Variants in SCAPER observed in about 807,000 individuals in gnomAD.
SCAPER encodes the protein S-phase cyclin A associated protein in the ER.
Under a neutral mutation model 182.2 loss-of-function variants are expected in SCAPER, and 98 were observed. The ratio of observed to expected loss-of-function variants is 0.54; its 90% confidence interval spans 0.46 to 0.64. The LOEUF is 0.64. Ranked by LOEUF, SCAPER falls within the 30% of genes least tolerant of loss-of-function variation. The probability of loss-of-function intolerance (pLI) is 0.00; values close to 1 mark genes in which losing one functional copy is unlikely to be tolerated. For missense variants in SCAPER, 1,432 were observed against 1,690.0 expected (o/e 0.85, Z 2.68); for synonymous variants, 605 against 564.6 (o/e 1.07, Z -1.01).
chr15:76,371,684 C>T (rs905010243), intron 29 of SCAPER, among the ~76,000 whole-genome samples: 2 of 150,194 alleles, frequency 1.3e-5, no homozygotes, highest in African/African-American at 2.4e-5. Context: ...TTTGGGAGGC[C>T]GAGGTGGGTG....
In SCAPER at chr15:76,597,787, C is replaced by T. The variant is rs2049619178; in HGVS notation, c.2712-23503G>A. Among the ~76,000 whole-genome samples, 2 of 120,352 alleles carry T rather than the reference C, an allele frequency of 1.7e-5. 1 individual carries two copies. Among genetic ancestry groups the T allele is most frequent in the Non-Finnish European group, 4.0e-5 (2 of 49,554 alleles). 79.0% of individuals were successfully genotyped at this position (120,352 alleles called of 152,430 possible). A position where few individuals can be genotyped will look rare whatever the true frequency, so the allele number is the denominator to read the frequency against. ...AATTGGACCCCTTCCTTACACCTTA[C>T]ACAAAAATTAACTCATGATGGATTA... On this transcript the variant is annotated intron_variant, in intron 22 of 31. Transcript: ENST00000563290.
At chr15:76,601,970 C>T (rs2049962870) in intron 22 of SCAPER, among the ~76,000 whole-genome samples, 1 of 120,684 alleles carries the variant, frequency 8.3e-6, no homozygotes, top group Non-Finnish European at 2.0e-5. Flanking sequence ...AGTCAGCCCT[C>T]CATATCCATG....
At chr15:76,490,200 T>G (rs965592646) in intron 24 of SCAPER, among the ~76,000 whole-genome samples, 2 of 152,212 alleles carry the variant, frequency 1.3e-5, no homozygotes, top group African/African-American at 4.8e-5. Flanking sequence ...GTTCTACTTT[T>G]AGTTTTTTGA....
At chr15:76,764,913 G>T in intron 14 of SCAPER, 48 bp downstream of exon 14, 3 of 1,100,858 alleles carry the variant, frequency 2.7e-6, no homozygotes, top group Non-Finnish European at 3.9e-6. Context: ...TTGAAAATAA[G>T]CCCAGCAACT....
rs1351729649 is a variant in SCAPER, at chr15:76,471,256, T to C, written c.3034A>G (p.Asn1012Asp). The C allele has an allele frequency of 4.3e-6, 7 of 1,612,654 alleles. No individual in the cohort carries two copies. The highest frequency in any genetic ancestry group is 5.9e-6 in the Non-Finnish European group (7 of 1,179,202). ...SENCSDVLFS[N>D]KITFLMDLLI... is the part of the protein sequence containing the mutation. Reference sequence around the variant, plus strand: ...AGGTCCATTAAGAAGGTAATCTTGTTACTAAACAGAACATCACTGCAGTTT... The same window carrying C: ...AGGTCCATTAAGAAGGTAATCTTGTCACTAAACAGAACATCACTGCAGTTT... The change falls in exon 25 of 32, where the codon AAC (asparagine) becomes GAC (aspartate). Residue 1012 changes from asparagine (N) to aspartate (D), a missense_variant. Physicochemically the swap from Asn to Asp is conservative, Grantham distance 23. Transcript: ENST00000563290.
At chr15:76,578,814 C>T (rs1279317678) in intron 22 of SCAPER, among the ~76,000 whole-genome samples, 3 of 152,172 alleles carry the variant, frequency 2.0e-5, no homozygotes, top group Non-Finnish European at 2.9e-5. Flanking sequence ...AATCCCTAGA[C>T]ACCTACAAAC....
chr15:76,868,219 A>G (rs544748703), intron 2 of SCAPER, among the ~76,000 whole-genome samples: 12 of 152,150 alleles, frequency 7.9e-5, no homozygotes, highest in African/African-American at 2.9e-4. Context: ...TGCAGATGAC[A>G]TCTTTTACTT....
At chr15:76,839,213 T>C (rs778389433) in intron 5 of SCAPER, among the ~76,000 whole-genome samples, 1 of 152,236 alleles carries the variant, frequency 6.6e-6, no homozygotes, top group Non-Finnish European at 1.5e-5. Flanking sequence ...GTGAATTACA[T>C]ATATGTGTTA....
intron 4 of SCAPER, among the ~76,000 whole-genome samples, chr15:76,856,255 G>T (rs989965955): frequency 6.6e-6 from 1 of 151,994 alleles, no homozygotes; most frequent in Non-Finnish European, 1.5e-5. Context: ...AACAAACAGA[G>T]GGGCCTCCTT....
At chr15:76,616,160 CAA>C (rs1276060600) in intron 22 of SCAPER, among the ~76,000 whole-genome samples, 1 of 152,158 alleles carries the variant, frequency 6.6e-6, no homozygotes, top group African/African-American at 2.4e-5. Context: ...AACAGGGACT[CAA>C]AGAGATATTT....
intron 20 of SCAPER, among the ~76,000 whole-genome samples, chr15:76,681,973 G>T (rs2057737261): frequency 6.6e-6 from 1 of 152,142 alleles, no homozygotes; most frequent in South Asian, 2.1e-4. Flanking sequence ...TGAGACACAG[G>T]CAGTCCCATC....
chr15:76,353,095 C>T (rs1193747214), intron 30 of SCAPER, among the ~76,000 whole-genome samples: 1 of 151,978 alleles, frequency 6.6e-6, no homozygotes, highest in Non-Finnish European at 1.5e-5. Flanking sequence ...CCTCTAGTTC[C>T]CAGCCAGCTG....
intron 18 of SCAPER, 63 bp from the exon 19 acceptor site, chr15:76,703,065 A>C (rs1044350707): frequency 6.8e-7 from 1 of 1,478,808 alleles, no homozygotes; most frequent in African/African-American, 1.4e-5. Context: ...AGAAATTGGA[A>C]AAATAATATT....
chr15:76,600,584 G>A lies in SCAPER; in HGVS notation c.2711+21180C>T, dbSNP rs557023844. Among the ~76,000 whole-genome samples the A allele has an allele frequency of 3.0e-4, 35 of 116,608 alleles. 6 individuals carry two copies. The South Asian group carries it at 8.8e-3, about 29-fold the overall frequency. 76.5% of individuals were successfully genotyped at this position (116,608 alleles called of 152,430 possible). A position where few individuals can be genotyped will look rare whatever the true frequency, so the allele number is the denominator to read the frequency against. On this transcript the variant is annotated intron_variant, in intron 22 of 31. Coordinates refer to ENST00000563290, the MANE Select transcript of SCAPER (RefSeq NM_020843.4). ...CCTGCCTCAGCCTCCCGAGTAGCTG[G>A]GATTACAGGCACCTGTCACCATGCC...
At chr15:76,660,392 A>G (rs1012615896) in intron 21 of SCAPER, among the ~76,000 whole-genome samples, 4 of 152,194 alleles carry the variant, frequency 2.6e-5, no homozygotes, top group Non-Finnish European at 5.9e-5. Context: ...ACCTAAAATA[A>G]AAATTTAAAA....
intron 23 of SCAPER, among the ~76,000 whole-genome samples, chr15:76,554,189 C>T (rs186652259): frequency 1.1e-4 from 16 of 152,292 alleles, no homozygotes; most frequent in African/African-American, 3.4e-4. Context: ...ATAAGACAAT[C>T]GCCAAGTATT....
intron 26 of SCAPER, among the ~76,000 whole-genome samples, chr15:76,410,285 C>A (rs772672969): frequency 6.6e-5 from 10 of 152,070 alleles, no homozygotes. Flanking sequence ...TTAAGATAAC[C>A]GTTTGTAATC....
chr15:76,764,990 T>C lies in SCAPER; in HGVS notation c.1696A>G (p.Thr566Ala). The C allele has an allele frequency of 1.9e-6, 3 of 1,600,420 alleles. No individual in the cohort carries two copies. The highest frequency in any genetic ancestry group is 2.6e-6 in the Non-Finnish European group (3 of 1,173,838). The change falls in exon 14 of 32, where the codon ACA becomes GCA. Residue 566 changes from threonine to alanine, a missense_variant. By Grantham distance (58) the Thr-to-Ala change is moderately conservative. This residue lies in a region of SCAPER where 128 missense variants were observed against 149.9 expected (regional missense o/e 0.85). Transcript: ENST00000563290. Reference sequence around the variant, plus strand: ...TCTAACAATTTCTGAAGCTTCAATGTTTTCTCTTCGCGTAACTTTTCCCTT... The same window carrying C: ...TCTAACAATTTCTGAAGCTTCAATGCTTTCTCTTCGCGTAACTTTTCCCTT... ...QLREKLREEK[T>A]LKLQKLLERE...
intron 20 of SCAPER, among the ~76,000 whole-genome samples, chr15:76,697,716 T>C (rs534042774): frequency 6.6e-6 from 1 of 152,282 alleles, no homozygotes; most frequent in East Asian, 1.9e-4. Context: ...CTCAGCTCAC[T>C]GCAACCTCCG....
Sources: allele counts gnomAD v4.1 joint callset (sites outside exome capture counted in the v4.1 genomes callset), GRCh38; gene constraint gnomAD v4.1.1; regional missense constraint gnomAD v4.1.1; transcripts MANE v1.5; gene names NCBI Gene and HGNC (gene_info 2026-07-23, HGNC 2026-07-21).